Variants in KCNB2 observed in about 807,000 individuals in gnomAD.
KCNB2 encodes the protein delayed rectifier potassium channel protein.
A neutral mutation model predicts 61.5 loss-of-function variants in KCNB2; 15 were observed. The observed-to-expected ratio is 0.24, with a 90% CI of 0.16 to 0.38. The LOEUF (loss-of-function observed/expected upper bound fraction) is 0.38. Ranked by LOEUF, KCNB2 falls within the 10% of genes least tolerant of loss-of-function variation. The pLI is 1.00. For synonymous variants in KCNB2, 457 were observed against 446.0 expected (o/e 1.02, Z -0.31); for missense variants, 828 against 1,125.2 (o/e 0.74, Z 3.78).
chr8:72,576,636 C>T (rs1392785825), intron 2 of KCNB2, among the ~76,000 whole-genome samples: 2 of 152,218 alleles, frequency 1.3e-5, no homozygotes, highest in Non-Finnish European at 2.9e-5. Flanking sequence ...CCCCAAGCCA[C>T]ACCAGCAAGC....
At chr8:72,811,275 T>A (rs905351571) in intron 2 of KCNB2, among the ~76,000 whole-genome samples, 1 of 151,974 alleles carries the variant, frequency 6.6e-6, no homozygotes, top group African/African-American at 2.4e-5. Flanking sequence ...TTCATTTTTT[T>A]AAAACATGTA....
At chr8:72,670,677 T>G (rs1806549062) in intron 2 of KCNB2, among the ~76,000 whole-genome samples, 2 of 152,126 alleles carry the variant, frequency 1.3e-5, no homozygotes. Context: ...TAAGTACAAA[T>G]TATTTGGCTT....
At chr8:72,616,743 T>C (rs1805625250) in intron 2 of KCNB2, among the ~76,000 whole-genome samples, 1 of 152,226 alleles carries the variant, frequency 6.6e-6, no homozygotes, top group African/African-American at 2.4e-5. Context: ...TTTTGCCTAT[T>C]TAGGTTGTTG....
At position 72,937,699 on chromosome 8, in the gene KCNB2, A is replaced by C. The variant is rs1372987295; in HGVS notation, c.2344A>C (p.Lys782Gln). Residue 782 changes from lysine to glutamine, a missense_variant, in exon 3 of 3, where the codon AAA (lysine) becomes CAA (glutamine). This residue lies in a region of KCNB2 where 559 missense variants were observed against 588.4 expected (regional missense o/e 0.95). Transcript: ENST00000523207. Reference protein sequence around the residue: ...EVSAPCQGPSKGLSPRFPKQK... With the variant: ...EVSAPCQGPSQGLSPRFPKQK... The stretch of plus-strand genomic sequence containing the variant: ...TTCAGCGCCTTGTCAGGGACCTTCC[A>C]AAGGGCTGTCCCCCAGGTTTCCCAA... 5.6e-6 allele frequency: 9 copies of C among 1,613,896 alleles called. No individual in the cohort carries two copies.
intron 2 of KCNB2, among the ~76,000 whole-genome samples, chr8:72,884,039 G>A (rs1390287143): frequency 2.0e-5 from 3 of 152,188 alleles, no homozygotes; most frequent in African/African-American, 7.2e-5. Context: ...TCTTTGAGCA[G>A]CAATATATGA....
chr8:72,626,445 T>C (rs1805790865), intron 2 of KCNB2, among the ~76,000 whole-genome samples: 1 of 152,256 alleles, frequency 6.6e-6, no homozygotes, highest in Non-Finnish European at 1.5e-5. Context: ...ATGTGCAATG[T>C]GTTACATGCA....
rs551032879 is a variant in KCNB2, at chr8:72,865,409, TTC to T, written c.580-70518_580-70517del. On this transcript the variant is annotated intron_variant, in intron 2 of 2. Coordinates refer to ENST00000523207, the MANE Select transcript of KCNB2 (RefSeq NM_004770.3). ...CCATCTTATTGTTCTTTTCCGTTCTTTCTCTCTCTGAAAAAAGTCCCCTGGAA... is the reference window on the plus strand; with the variant it reads ...CCATCTTATTGTTCTTTTCCGTTCTTTCTCTCTGAAAAAAGTCCCCTGGAA... 2.3e-4 allele frequency among the ~76,000 whole-genome samples: 35 copies of T among 152,224 alleles called. No individual in the cohort carries two copies. In the East Asian group the frequency reaches 6.0e-3, roughly 26 times the overall value.
chr8:72,596,334 G>C (rs772620814), intron 2 of KCNB2, among the ~76,000 whole-genome samples: 1 of 152,116 alleles, frequency 6.6e-6, no homozygotes, highest in Admixed American at 6.5e-5. Flanking sequence ...TGGCTCTGCC[G>C]AGTACTACTT....
At chr8:72,793,359 G>A (rs533811536) in intron 2 of KCNB2, among the ~76,000 whole-genome samples, 1 of 152,296 alleles carries the variant, frequency 6.6e-6, no homozygotes, top group East Asian at 1.9e-4. Flanking sequence ...ATCTGTGGAG[G>A]TGACAATTGA....
At chr8:72,658,487 C>G (rs1806327828) in intron 2 of KCNB2, among the ~76,000 whole-genome samples, 1 of 152,148 alleles carries the variant, frequency 6.6e-6, no homozygotes, top group Non-Finnish European at 1.5e-5. Context: ...CAAGGTGAAG[C>G]AACAAGGGCT....
chr8:72,669,442 CA>C (rs924325785), intron 2 of KCNB2, among the ~76,000 whole-genome samples: 6 of 151,682 alleles, frequency 4.0e-5, no homozygotes, highest in African/African-American at 1.2e-4. Context: ...TTTTTTAGTT[CA>C]AAAAAACTGA....
At chr8:72,758,723 C>T (rs371784820) in intron 2 of KCNB2, among the ~76,000 whole-genome samples, 121 of 152,256 alleles carry the variant, frequency 7.9e-4, no homozygotes, top group African/African-American at 2.5e-3. Context: ...GAAGTTCTAG[C>T]GGTACTTTTG....
chr8:72,898,585 C>T (rs1806030617), intron 2 of KCNB2, among the ~76,000 whole-genome samples: 2 of 152,116 alleles, frequency 1.3e-5, no homozygotes, highest in South Asian at 4.1e-4. Flanking sequence ...CTTATCAAAC[C>T]AAGCCAGAAG....
intron 2 of KCNB2, among the ~76,000 whole-genome samples, chr8:72,617,450 T>C (rs1225952883): frequency 6.6e-6 from 1 of 152,128 alleles, no homozygotes; most frequent in Non-Finnish European, 1.5e-5. Flanking sequence ...GCCTTCTCCA[T>C]CCAACTCCAG....
chr8:72,805,124 C>A (rs1809197146), intron 2 of KCNB2, among the ~76,000 whole-genome samples: 1 of 152,166 alleles, frequency 6.6e-6, no homozygotes, highest in Non-Finnish European at 1.5e-5. Context: ...TTCTGAGGAT[C>A]ATGTGCGTTC....
chr8:72,698,006 C>A (rs1396384730), intron 2 of KCNB2, among the ~76,000 whole-genome samples: 1 of 152,024 alleles, frequency 6.6e-6, no homozygotes, highest in African/African-American at 2.4e-5. Flanking sequence ...AATCACCATT[C>A]TGCAATCACA....
chr8:72,861,265 T>A (rs1038547779), intron 2 of KCNB2, among the ~76,000 whole-genome samples: 1 of 152,216 alleles, frequency 6.6e-6, no homozygotes, highest in Non-Finnish European at 1.5e-5. Context: ...ATTTGCAAAT[T>A]GTGATTTTTC....
At chr8:72,906,582 A>G (rs146655579) in intron 2 of KCNB2, among the ~76,000 whole-genome samples, 9 of 152,328 alleles carry the variant, frequency 5.9e-5, no homozygotes, top group African/African-American at 1.9e-4. Flanking sequence ...TTCCTCTCTT[A>G]GAGTAGAAGT....
intron 2 of KCNB2, among the ~76,000 whole-genome samples, chr8:72,759,686 C>T (rs1031336342): frequency 6.6e-6 from 1 of 151,990 alleles, no homozygotes; most frequent in Non-Finnish European, 1.5e-5. Context: ...TAACTAGGGC[C>T]TTGGAGATAG....
Sources: gnomAD v4.1 joint callset for allele counts (sites outside exome capture counted in the v4.1 genomes callset) on GRCh38, gnomAD v4.1.1 for gene constraint, gnomAD v4.1.1 regional missense constraint, MANE v1.5 for transcripts, NCBI Gene and HGNC (gene_info 2026-07-23, HGNC 2026-07-21) for gene names.